Variants in CDC27 observed in about 807,000 individuals in gnomAD.
CDC27 encodes cell division cycle 27, also known as cell division cycle protein 27 homolog.
Under a neutral mutation model 109.7 loss-of-function variants are expected in CDC27, and 27 were observed. That is an observed-to-expected ratio of 0.25 (90% CI 0.18 to 0.34). The LOEUF (loss-of-function observed/expected upper bound fraction) is 0.34, where lower values mean the gene tolerates loss of function less well. Among genes scored for constraint, CDC27 ranks in the 10% least tolerant of loss-of-function variants. The probability of loss-of-function intolerance (pLI) is 1.00; values close to 1 mark genes in which losing one functional copy is unlikely to be tolerated. For synonymous variants in CDC27, 266 were observed against 333.9 expected, an observed-to-expected ratio of 0.80 and a Z score of 2.22; for missense variants, 579 against 960.2, an observed-to-expected ratio of 0.60 and a Z score of 5.25.
intron 3 of CDC27, 76 bp from the exon 4 acceptor site, chr17:47,170,118 A>T: frequency 8.6e-7 from 1 of 1,161,438 alleles, no homozygotes; most frequent in Non-Finnish European, 1.2e-6. Context: ...TTCATTACCA[A>T]AGTGCATCTA....
In CDC27 at chr17:47,145,897, CA is replaced by C. The variant is rs879473834; in HGVS notation, c.1071-1916del. The stretch of plus-strand genomic sequence containing the variant: ...GGGCGACAACAGCGAAACTCTGTCT[CA>C]AAAAAAAAAAAGTCAACCATGTGAT... On this transcript the variant is annotated intron_variant, in intron 9 of 18. Transcript: ENST00000066544. Among the ~76,000 whole-genome samples, 192 of 141,470 alleles carry C rather than the reference CA, an allele frequency of 1.4e-3. 1 individual carries two copies. Among genetic ancestry groups the C allele is most frequent in the African/African-American group, 1.1e-3 (44 of 38,670 alleles). The allele number at this position is 141,470 out of a possible 152,430, so 92.8% of individuals were successfully genotyped here.
At chr17:47,133,029 A>ATG (rs1491311232) in intron 14 of CDC27, among the ~76,000 whole-genome samples, 2 of 20,008 alleles carry the variant, frequency 1.0e-4, no homozygotes, top group Non-Finnish European at 2.3e-4. Context: ...ATATATATAT[A>ATG]CACACACACA....
chr17:47,132,779 T>TATA (rs1555783688), intron 14 of CDC27, among the ~76,000 whole-genome samples: 2 of 132,808 alleles, frequency 1.5e-5, no homozygotes, highest in African/African-American at 2.8e-5. Flanking sequence ...TTATTATTAT[T>TATA]ATATTTTAAA....
At chr17:47,123,005 T>G (rs1167683065) in intron 17 of CDC27, among the ~76,000 whole-genome samples, 1 of 152,194 alleles carries the variant, frequency 6.6e-6, no homozygotes. Flanking sequence ...ATTAGGCTCC[T>G]GATTTATGTG....
intron 4 of CDC27, chr17:47,162,211 A>G (rs969312377): frequency 3.3e-5 from 5 of 152,224 alleles, no homozygotes; most frequent in Admixed American, 1.3e-4. Context: ...CAACGAAGCC[A>G]TAATTCATGT....
At chr17:47,125,647 G>C (rs541975802) in intron 16 of CDC27, among the ~76,000 whole-genome samples, 1 of 151,242 alleles carries the variant, frequency 6.6e-6, no homozygotes, top group African/African-American at 2.4e-5. Flanking sequence ...AGGTTGAAGC[G>C]ATTCTCCTGC....
rs2062697528 is a variant in CDC27, at chr17:47,138,668, T to C, written c.1704+71A>G. On this transcript the variant is annotated intron_variant, in intron 13 of 18. Coordinates refer to ENST00000066544, the MANE Select transcript of CDC27 (RefSeq NM_001256.6). Reference sequence around the variant, plus strand: ...TGACACTAAATAGTGTTTGAATTGCTTGGTTCATCTCTATCTGTTGAGGGT... The same window carrying C: ...TGACACTAAATAGTGTTTGAATTGCCTGGTTCATCTCTATCTGTTGAGGGT... 3.8e-6 allele frequency: 4 copies of C among 1,052,160 alleles called. No homozygotes were observed. In the South Asian group the frequency reaches 5.5e-5, roughly 14 times the overall value. 65.2% of individuals were successfully genotyped at this position (1,052,160 alleles called of 1,614,324 possible).
At position 47,141,970 on chromosome 17, in the gene CDC27, T is replaced by C; in HGVS notation, c.1434A>G (p.Ser478=). 1 of 1,608,578 alleles carries C rather than the reference T, an allele frequency of 6.2e-7. No homozygotes were observed. Among genetic ancestry groups the C allele is most frequent in the Non-Finnish European group, 8.5e-7 (1 of 1,176,734 alleles). The change falls in exon 12 of 19, where the codon TCA becomes TCG. Residue 478 remains serine, a synonymous_variant. Transcript: ENST00000066544. ...EMGKGYLALC[S]YNCKEAINIL... ...TATTTATAGCTTCTTTGCAGTTGTA[T>C]GAACACAAAGCTAAATAACCTTTCC...
intron 1 of CDC27, 25 bp downstream of exon 1, chr17:47,189,121 C>A: frequency 6.2e-7 from 1 of 1,611,122 alleles, no homozygotes; most frequent in Non-Finnish European, 8.5e-7. Context: ...GCCAGCCAAG[C>A]CCCAGAGAAG....
intron 16 of CDC27, among the ~76,000 whole-genome samples, chr17:47,129,014 G>A (rs576487034): frequency 1.3e-5 from 2 of 152,048 alleles, no homozygotes; most frequent in Admixed American, 6.6e-5. Context: ...CAGGTGATCC[G>A]CCCGCCTTGG....
chr17:47,178,068 G>A (rs1010133388), intron 2 of CDC27, among the ~76,000 whole-genome samples: 5 of 152,252 alleles, frequency 3.3e-5, no homozygotes, highest in African/African-American at 1.2e-4. Flanking sequence ...TTACAATGGG[G>A]GAAGGGAATT....
intron 1 of CDC27, 131 bp downstream of exon 1, chr17:47,189,015 G>A: frequency 1.3e-6 from 2 of 1,493,070 alleles, no homozygotes; most frequent in South Asian, 2.4e-5. Context: ...CTAAAGATAG[G>A]CAGGACACGG....
chr17:47,121,312 TA>T (rs981613141), intron 18 of CDC27, among the ~76,000 whole-genome samples: 68 of 146,204 alleles, frequency 4.7e-4, no homozygotes, highest in Middle Eastern at 3.5e-3. Context: ...TCTGAGACAT[TA>T]AAAAAAAAAA....
intron 18 of CDC27, 49 bp from the exon 19 acceptor site, chr17:47,121,066 C>T (rs778562438): frequency 1.9e-5 from 23 of 1,203,038 alleles, no homozygotes; most frequent in Non-Finnish European, 2.4e-5. Context: ...ACAAATATGT[C>T]CTGTTGGTTC....
intron 2 of CDC27, among the ~76,000 whole-genome samples, chr17:47,172,391 T>G (rs2063837784): frequency 6.6e-6 from 1 of 152,098 alleles, no homozygotes; most frequent in Admixed American, 6.6e-5. Flanking sequence ...AAGGATCTTG[T>G]TTTTAGGTAA....
Position 47,132,319 on chromosome 17 carries a change from G to C in CDC27, c.1969C>G (p.His657Asp). Residue 657 changes from histidine to aspartate, a missense_variant, in exon 15 of 19, where the codon CAT becomes GAT. His to Asp is a moderately conservative substitution (Grantham distance 81). Coordinates refer to ENST00000066544, the MANE Select transcript of CDC27 (RefSeq NM_001256.6). Reference protein sequence around the residue: ...KQEKFSLAEMHFQKALDINPQ... With the variant: ...KQEKFSLAEMDFQKALDINPQ... Reference sequence around the variant, plus strand: ...TTGATATCAAGCGCTTTTTGGAAATGCATTTCTGCAAGGCTGAATTTTTCT... The same window carrying C: ...TTGATATCAAGCGCTTTTTGGAAATCCATTTCTGCAAGGCTGAATTTTTCT... 6.2e-7 allele frequency: 1 copy of C among 1,606,456 alleles called. No homozygotes were observed. Among genetic ancestry groups the C allele is most frequent in the Non-Finnish European group, 8.5e-7 (1 of 1,175,420 alleles).
chr17:47,155,460 G>C (rs1357275898), intron 7 of CDC27, among the ~76,000 whole-genome samples: 1 of 152,046 alleles, frequency 6.6e-6, no homozygotes, highest in Non-Finnish European at 1.5e-5. Context: ...TGGCCAGACT[G>C]GTCTTGAGCT....
intron 4 of CDC27, chr17:47,159,538 G>A (rs527485204): frequency 4.1e-5 from 21 of 509,186 alleles, no homozygotes; most frequent in Non-Finnish European, 6.3e-5. Context: ...AAGGGACGGC[G>A]TAGGGCTTGC....
In CDC27 at chr17:47,132,357, A is replaced by G. The variant is rs1376527977; in HGVS notation, c.1931T>C (p.Ile644Thr). Residue 644 changes from isoleucine to threonine, a missense_variant, in exon 15 of 19, where the codon ATT becomes ACT. Physicochemically the swap from Ile to Thr is moderately conservative, Grantham distance 89 (BLOSUM62 -1). This residue lies in a region of CDC27 where 227 missense variants were observed against 363.6 expected (regional missense o/e 0.62). Transcript: ENST00000066544. The stretch of plus-strand genomic sequence containing the variant: ...GCTGAATTTTTCTTGCTTGTAATAA[A>G]TCATTCCTAAACCATACCTGAAAGT... ...HYNAWYGLGM[I>T]YYKQEKFSLA... 5.7e-6 allele frequency: 9 copies of G among 1,585,352 alleles called. No homozygotes were observed. The highest frequency in any genetic ancestry group is 7.8e-6 in the Non-Finnish European group (9 of 1,155,978).
Sources: gnomAD v4.1 joint callset for allele counts (sites outside exome capture counted in the v4.1 genomes callset) on GRCh38, gnomAD v4.1.1 for gene constraint, gnomAD v4.1.1 regional missense constraint, MANE v1.5 for transcripts, NCBI Gene and HGNC (gene_info 2026-07-23, HGNC 2026-07-21) for gene names.